The following SGCZ variants were observed in gnomAD, a reference collection of about 807,000 sequenced individuals.
SGCZ encodes sarcoglycan zeta.
SGCZ carries 40 observed loss-of-function variants against 41.3 expected under a neutral mutation model. The observed-to-expected ratio is 0.97, with a 90% CI of 0.75 to 1.26. SGCZ has a LOEUF of 1.26. SGCZ is among the 50% of genes most tolerant of loss of function. The probability of loss-of-function intolerance (pLI) is 0.00; values close to 1 mark genes in which losing one functional copy is unlikely to be tolerated. For synonymous variants in SGCZ, 206 were observed against 137.5 expected (o/e 1.50, Z -3.49); for missense variants, 552 against 369.8 (o/e 1.49, Z -4.04).
intron 1 of SGCZ, among the ~76,000 whole-genome samples, chr8:14,670,687 A>T (rs1263605706): frequency 6.6e-6 from 1 of 152,170 alleles, no homozygotes; most frequent in African/African-American, 2.4e-5. Flanking sequence ...TAGCACTCTC[A>T]ATGGTCCAAG....
chr8:14,722,230 TTTAG>T (rs1276914053), intron 1 of SGCZ, among the ~76,000 whole-genome samples: 1 of 152,210 alleles, frequency 6.6e-6, no homozygotes, highest in Non-Finnish European at 1.5e-5. Flanking sequence ...TTTATGTTTA[TTTAG>T]TTAACCAATA....
chr8:15,037,959 G>C (rs540479016), intron 1 of SGCZ, among the ~76,000 whole-genome samples: 1 of 151,974 alleles, frequency 6.6e-6, no homozygotes, highest in Admixed American at 6.6e-5. Flanking sequence ...AAAGAAATTA[G>C]AAACACAAAC....
intron 1 of SGCZ, among the ~76,000 whole-genome samples, chr8:14,840,541 G>C (rs1340632172): frequency 6.6e-6 from 1 of 152,030 alleles, no homozygotes; most frequent in Admixed American, 6.6e-5. Context: ...TTAAAAATCT[G>C]TACTCAGATA....
chr8:15,151,797 G>T (rs1799187331), intron 1 of SGCZ, among the ~76,000 whole-genome samples: 2 of 152,178 alleles, frequency 1.3e-5, no homozygotes, highest in Admixed American at 1.3e-4. Flanking sequence ...GTCAATGAAT[G>T]AATTTTCCAA....
At chr8:14,139,610 A>C (rs1313219569) in intron 5 of SGCZ, among the ~76,000 whole-genome samples, 1 of 152,198 alleles carries the variant, frequency 6.6e-6, no homozygotes, top group Non-Finnish European at 1.5e-5. Context: ...GAATTCCTGG[A>C]CACATACACC....
At chr8:14,460,099 T>A (rs1800859559) in intron 2 of SGCZ, among the ~76,000 whole-genome samples, 1 of 152,162 alleles carries the variant, frequency 6.6e-6, no homozygotes, top group South Asian at 2.1e-4. Flanking sequence ...TAAATGTATT[T>A]TGATTATGTA....
rs185437885 is a variant in SGCZ, at chr8:14,549,152, T to G, written c.234+5580A>C. ...AGCGACTTTAAGTAAAATTCAAGTT[T>G]GTGTGTGTGTGTGTGTCTAAAAAAG... On this transcript the variant is annotated intron_variant, in intron 2 of 7. Transcript: ENST00000382080. Among the ~76,000 whole-genome samples, 546 of 108,714 alleles carry G rather than the reference T, an allele frequency of 5.0e-3. 3 individuals carry two copies. The highest frequency in any genetic ancestry group is 8.2e-3 in the Non-Finnish European group (383 of 46,538). 71.3% of individuals were successfully genotyped at this position (108,714 alleles called of 152,430 possible).
At chr8:14,475,043 A>G (rs186961143) in intron 2 of SGCZ, among the ~76,000 whole-genome samples, 2 of 152,270 alleles carry the variant, frequency 1.3e-5, no homozygotes, top group Admixed American at 6.5e-5. Context: ...GACTTATCCA[A>G]TGAGTTATTT....
At chr8:15,105,492 C>T (rs560840875) in intron 1 of SGCZ, among the ~76,000 whole-genome samples, 1 of 152,094 alleles carries the variant, frequency 6.6e-6, no homozygotes, top group South Asian at 2.1e-4. Flanking sequence ...CATGGTGGAG[C>T]AGGAGAGAGA....
chr8:14,381,052 T>C (rs1160452446), intron 2 of SGCZ, among the ~76,000 whole-genome samples: 1 of 152,198 alleles, frequency 6.6e-6, no homozygotes, highest in Admixed American at 6.5e-5. Context: ...CTGACTCACA[T>C]TATCTTTTCA....
At chr8:14,732,353 C>T (rs1349485325) in intron 1 of SGCZ, among the ~76,000 whole-genome samples, 1 of 152,208 alleles carries the variant, frequency 6.6e-6, no homozygotes, top group Non-Finnish European at 1.5e-5. Context: ...GGCCTCCTCA[C>T]TTCCAACTCT....
At chr8:14,831,214 T>C (rs78406643) in intron 1 of SGCZ, among the ~76,000 whole-genome samples, 4,997 of 152,238 alleles carry the variant, frequency 0.033, 193 homozygotes, top group African/African-American at 0.094. Context: ...AGAAAGATTT[T>C]CAAAGTACAT....
chr8:14,262,888 T>C (rs1799723239), intron 3 of SGCZ, among the ~76,000 whole-genome samples: 2 of 150,480 alleles, frequency 1.3e-5, no homozygotes, highest in East Asian at 1.9e-4. Context: ...ATAAATCTTA[T>C]ATATTTAAGC....
intron 1 of SGCZ, among the ~76,000 whole-genome samples, chr8:15,043,807 C>T (rs146580879): frequency 2.6e-3 from 392 of 152,076 alleles, no homozygotes; most frequent in African/African-American, 9.2e-3. Flanking sequence ...AAACGTTTTC[C>T]TAAGTTTCAG....
At chr8:15,219,505 GT>G (rs1801519605) in intron 1 of SGCZ, among the ~76,000 whole-genome samples, 1 of 152,108 alleles carries the variant, frequency 6.6e-6, no homozygotes, top group Non-Finnish European at 1.5e-5. Flanking sequence ...AGAAAGGTGT[GT>G]TTTTTCTTTT....
intron 2 of SGCZ, among the ~76,000 whole-genome samples, chr8:14,456,088 C>G (rs781384938): frequency 1.3e-5 from 2 of 152,112 alleles, no homozygotes; most frequent in Admixed American, 6.6e-5. Context: ...TCTGCTAATA[C>G]ACCAAAACCT....
chr8:14,872,040 C>G (rs1804175453), intron 1 of SGCZ, among the ~76,000 whole-genome samples: 1 of 151,668 alleles, frequency 6.6e-6, no homozygotes, highest in African/African-American at 2.4e-5. Context: ...AAGCTGGAAA[C>G]CATCATTCTC....
At chr8:14,410,695 G>A (rs1799336499) in intron 2 of SGCZ, among the ~76,000 whole-genome samples, 1 of 152,094 alleles carries the variant, frequency 6.6e-6, no homozygotes, top group Non-Finnish European at 1.5e-5. Flanking sequence ...GTTGATAGCT[G>A]CAGCAAACCC....
intron 3 of SGCZ, among the ~76,000 whole-genome samples, chr8:14,315,592 T>G (rs1372241351): frequency 1.3e-5 from 2 of 152,012 alleles, no homozygotes; most frequent in East Asian, 3.9e-4. Flanking sequence ...ATATTAGAAC[T>G]TACTTATAAA....
Sources: gnomAD v4.1 joint callset for allele counts (sites outside exome capture counted in the v4.1 genomes callset) on GRCh38, gnomAD v4.1.1 for gene constraint, MANE v1.5 for transcripts, NCBI Gene and HGNC (gene_info 2026-07-23, HGNC 2026-07-21) for gene names.